NDUFAF2: variants seen among roughly 807,000 people sequenced by gnomAD.
The protein encoded by NDUFAF2 is NADH dehydrogenase [ubiquinone] 1 alpha subcomplex assembly factor 2.
NDUFAF2 carries 13 observed loss-of-function variants against 22.8 expected under a neutral mutation model. The observed-to-expected ratio is 0.57, with a 90% CI of 0.37 to 0.91. The LOEUF (loss-of-function observed/expected upper bound fraction) is 0.91. NDUFAF2 is among the 40% of genes least tolerant of loss of function. The pLI, the probability that NDUFAF2 is intolerant of heterozygous loss-of-function variation, is 0.01. For missense variants in NDUFAF2, 162 were observed against 195.2 expected (o/e 0.83, Z 1.01); for synonymous variants, 53 against 64.2 (o/e 0.83, Z 0.84).
intron 1 of NDUFAF2, 126 bp downstream of exon 1, chr5:60,945,508 T>A: frequency 1.4e-6 from 2 of 1,400,510 alleles, no homozygotes; most frequent in Non-Finnish European, 2.0e-6. Flanking sequence ...GGAGAGAATT[T>A]CCCGAGTTCG....
At chr5:61,125,489 T>C (rs1244022730) in intron 3 of NDUFAF2, among the ~76,000 whole-genome samples, 1 of 152,112 alleles carries the variant, frequency 6.6e-6, no homozygotes, top group East Asian at 1.9e-4. Flanking sequence ...TCACATTTCA[T>C]GCCATGTGCC....
chr5:60,998,583 AAT>A (rs1424006007), intron 1 of NDUFAF2, among the ~76,000 whole-genome samples: 1 of 152,110 alleles, frequency 6.6e-6, no homozygotes, highest in Non-Finnish European at 1.5e-5. Flanking sequence ...GCTATTAATG[AAT>A]AAACTATAAA....
chr5:61,135,128 CAT>C (rs145650228), intron 3 of NDUFAF2, among the ~76,000 whole-genome samples: 11,917 of 150,604 alleles, frequency 0.079, 619 homozygotes, highest in African/African-American at 0.14. Flanking sequence ...GAACTAATGA[CAT>C]ATTTTTTCTG....
intron 1 of NDUFAF2, among the ~76,000 whole-genome samples, chr5:61,024,944 C>T (rs1751631079): frequency 6.6e-6 from 1 of 152,074 alleles, no homozygotes; most frequent in East Asian, 1.9e-4. Context: ...ATTGTATTCT[C>T]CCCTCTGCCT....
In NDUFAF2 at chr5:60,949,747, C is replaced by T. The variant is rs1044085394; in HGVS notation, c.127+4365C>T. Reference sequence around the variant, plus strand: ...AATTCACAGAGACCTTTTACTTGGTCATTTTTAAAAATTTATCACTGATTT... The same window carrying T: ...AATTCACAGAGACCTTTTACTTGGTTATTTTTAAAAATTTATCACTGATTT... On this transcript the variant is annotated intron_variant, in intron 1 of 3. Transcript: ENST00000296597. 9.2e-5 allele frequency among the ~76,000 whole-genome samples: 14 copies of T among 152,276 alleles called. No individual in the cohort carries two copies. In the South Asian group the frequency reaches 1.9e-3, roughly 20 times the overall value.
intron 3 of NDUFAF2, among the ~76,000 whole-genome samples, chr5:61,117,504 C>T: frequency 6.6e-6 from 1 of 152,022 alleles, no homozygotes; most frequent in East Asian, 1.9e-4. Context: ...TGCAAGTGCA[C>T]ACTACCATGC....
At chr5:61,052,171 C>T in intron 1 of NDUFAF2, among the ~76,000 whole-genome samples, 1 of 148,424 alleles carries the variant, frequency 6.7e-6, no homozygotes, top group South Asian at 2.1e-4. Flanking sequence ...GAAAAGGAAA[C>T]AGTTGGTCGC....
intron 1 of NDUFAF2, among the ~76,000 whole-genome samples, chr5:61,022,667 C>T (rs553846576): frequency 1.1e-4 from 16 of 152,102 alleles, no homozygotes; most frequent in Non-Finnish European, 2.2e-4. Context: ...CGTTTTGAGA[C>T]GGAGTCTCGC....
intron 3 of NDUFAF2, chr5:61,114,290 C>T (rs1362989363): frequency 6.6e-6 from 1 of 152,076 alleles, no homozygotes; most frequent in Admixed American, 6.6e-5. Context: ...ATTCTTTCTT[C>T]TGCTTATCAT....
intron 1 of NDUFAF2, among the ~76,000 whole-genome samples, chr5:61,002,049 A>C (rs1751303510): frequency 6.6e-6 from 1 of 152,114 alleles, no homozygotes; most frequent in South Asian, 2.1e-4. Context: ...AGCTCCATCA[A>C]TAAGCAAGAG....
At chr5:61,041,445 A>G (rs143409601) in intron 1 of NDUFAF2, among the ~76,000 whole-genome samples, 27 of 152,268 alleles carry the variant, frequency 1.8e-4, no homozygotes, top group African/African-American at 6.3e-4. Context: ...ATTTTAATAC[A>G]CAAAGATTCC....
At chr5:61,120,503 G>C (rs1477856843) in intron 3 of NDUFAF2, among the ~76,000 whole-genome samples, 1 of 152,048 alleles carries the variant, frequency 6.6e-6, no homozygotes, top group Non-Finnish European at 1.5e-5. Flanking sequence ...TCTATACAAA[G>C]CTGAGGTCTG....
chr5:60,979,696 T>C (rs1437097751), intron 1 of NDUFAF2, among the ~76,000 whole-genome samples: 1 of 152,126 alleles, frequency 6.6e-6, no homozygotes, highest in Non-Finnish European at 1.5e-5. Context: ...CAACCCTGGC[T>C]CCTGAATGGC....
chr5:61,137,660 G>C (rs1175662506), intron 3 of NDUFAF2, among the ~76,000 whole-genome samples: 2 of 152,212 alleles, frequency 1.3e-5, no homozygotes, highest in African/African-American at 4.8e-5. Flanking sequence ...AAAGAAGCTA[G>C]TGAGGTTGAA....
At chr5:61,093,993 G>A (rs1272531436) in intron 2 of NDUFAF2, among the ~76,000 whole-genome samples, 1 of 152,050 alleles carries the variant, frequency 6.6e-6, no homozygotes, top group African/African-American at 2.4e-5. Context: ...GTCCTGGGAT[G>A]GTGTATGTGT....
At chr5:60,990,267 C>T (rs540739659) in intron 1 of NDUFAF2, among the ~76,000 whole-genome samples, 1 of 151,784 alleles carries the variant, frequency 6.6e-6, no homozygotes, top group Non-Finnish European at 1.5e-5. Context: ...ATTTATTGTA[C>T]TTTTCACAAT....
intron 1 of NDUFAF2, among the ~76,000 whole-genome samples, chr5:61,002,207 C>G (rs575128760): frequency 2.0e-5 from 3 of 152,272 alleles, no homozygotes; most frequent in Admixed American, 1.3e-4. Context: ...AATCATCAAA[C>G]AGGTCTCCTT....
intron 1 of NDUFAF2, among the ~76,000 whole-genome samples, chr5:61,022,410 G>A (rs1751595270): frequency 6.6e-6 from 1 of 152,130 alleles, no homozygotes; most frequent in African/African-American, 2.4e-5. Flanking sequence ...GAGAATGTCT[G>A]TTTTCCTCAC....
intron 1 of NDUFAF2, among the ~76,000 whole-genome samples, chr5:61,055,639 C>T (rs1009344674): frequency 6.6e-6 from 1 of 152,092 alleles, no homozygotes; most frequent in Non-Finnish European, 1.5e-5. Flanking sequence ...TTAGGTTGTT[C>T]TGCAGCACAA....
Sources: allele counts gnomAD v4.1 joint callset (sites outside exome capture counted in the v4.1 genomes callset), GRCh38; gene constraint gnomAD v4.1.1; transcripts MANE v1.5; gene names NCBI Gene and HGNC (gene_info 2026-07-23, HGNC 2026-07-21).